The following EGFR variants were observed in gnomAD, a reference collection of about 807,000 sequenced individuals.
EGFR encodes the protein epidermal growth factor receptor, also known as avian erythroblastic leukemia viral (v-erb-b) oncogene homolog.
A neutral mutation model predicts 143.0 loss-of-function variants in EGFR; 58 were observed. The ratio of observed to expected loss-of-function variants is 0.41; its 90% confidence interval spans 0.33 to 0.50. EGFR has a LOEUF of 0.50. EGFR is among the 20% of genes least tolerant of loss of function. The probability of loss-of-function intolerance (pLI) is 0.39; values close to 1 mark genes in which losing one functional copy is unlikely to be tolerated. For missense variants in EGFR, 1,307 were observed against 1,579.0 expected (o/e 0.83, Z 2.92); for synonymous variants, 613 against 594.4 (o/e 1.03, Z -0.45).
intron 19 of EGFR, among the ~76,000 whole-genome samples, chr7:55,175,127 G>A (rs575781362): frequency 6.6e-6 from 1 of 152,288 alleles, no homozygotes; most frequent in South Asian, 2.1e-4. Flanking sequence ...CATGGGTATT[G>A]TTTTTGGTAT....
At chr7:55,081,766 C>A (rs1790479445) in intron 1 of EGFR, among the ~76,000 whole-genome samples, 1 of 151,294 alleles carries the variant, frequency 6.6e-6, no homozygotes, top group South Asian at 2.1e-4. Context: ...CCAAAACGTG[C>A]TGTCAGTGTG....
chr7:55,059,396 C>A (rs1031149376), intron 1 of EGFR, among the ~76,000 whole-genome samples: 7 of 152,178 alleles, frequency 4.6e-5, no homozygotes, highest in African/African-American at 1.7e-4. Context: ...ATGGTCCCTG[C>A]AGGTTTCCCC....
chr7:55,190,150 C>A (rs1039370925), intron 20 of EGFR, among the ~76,000 whole-genome samples: 1 of 152,080 alleles, frequency 6.6e-6, no homozygotes, highest in African/African-American at 2.4e-5. Context: ...CCCTTTCCAC[C>A]CACCATCCTG....
At chr7:55,076,782 A>G (rs1256601988) in intron 1 of EGFR, among the ~76,000 whole-genome samples, 1 of 152,154 alleles carries the variant, frequency 6.6e-6, no homozygotes, top group Non-Finnish European at 1.5e-5. Flanking sequence ...GTCAGAATAT[A>G]TATACTACAA....
Position 55,151,282 on chromosome 7 carries a change from T to C in EGFR, c.560-12T>C. On this transcript the variant is annotated splice_polypyrimidine_tract_variant and intron_variant, in intron 4 of 27. Coordinates refer to ENST00000275493, the MANE Select transcript of EGFR (RefSeq NM_005228.5). ...TTCACTGAGATATGCATCTATTACT[T>C]TTACATTTCAGGCCAAAAGTGTGAT... 6.2e-7 allele frequency: 1 copy of C among 1,614,114 alleles called. No individual in the cohort carries two copies.
At chr7:55,133,988 G>T (rs949000305) in intron 1 of EGFR, among the ~76,000 whole-genome samples, 1 of 152,222 alleles carries the variant, frequency 6.6e-6, no homozygotes, top group Non-Finnish European at 1.5e-5. Flanking sequence ...ATGCTGGCCC[G>T]AGAGGAGGCG....
At chr7:55,180,973 A>C in intron 19 of EGFR, 1 of 471,914 alleles carries the variant, frequency 2.1e-6, no homozygotes, top group Non-Finnish European at 3.9e-6. Flanking sequence ...AGATACTATC[A>C]GTTCCCAAAC....
At chr7:55,173,581 G>A (rs143553688) in intron 17 of EGFR, among the ~76,000 whole-genome samples, 300 of 152,344 alleles carry the variant, frequency 2.0e-3, no homozygotes, top group African/African-American at 6.7e-3. Context: ...GCATAAGCGC[G>A]TGTGATGTGC....
chr7:55,156,981 G>A (rs1785452945), intron 10 of EGFR, 149 bp downstream of exon 10: 2 of 1,511,482 alleles, frequency 1.3e-6, no homozygotes, highest in South Asian at 1.3e-5. Context: ...TTTCAAAAGT[G>A]CAGTTTCTCC....
rs1794594931 is a variant in EGFR at position 55,143,639 on chromosome 7, C to G, written c.424+151C>G. ...CTGAGTGCCGGCTGTGTGTAAGATA[C>G]TGCAGGGGAAGTTACTGAGAAGATG... is the stretch of plus-strand genomic sequence containing the variant. On this transcript the variant is annotated intron_variant, in intron 3 of 27. Coordinates refer to ENST00000275493, the MANE Select transcript of EGFR (RefSeq NM_005228.5). 5 of 859,130 alleles carry G rather than the reference C, an allele frequency of 5.8e-6. No homozygotes were observed. The South Asian group carries it at 6.3e-5, about 11-fold the overall frequency. The allele number at this position is 859,130 out of a possible 1,614,324, so 53.2% of individuals were successfully genotyped here. A position where few individuals can be genotyped will look rare whatever the true frequency, so the allele number is the denominator to read the frequency against.
At chr7:55,102,327 A>C (rs1450627704) in intron 1 of EGFR, among the ~76,000 whole-genome samples, 1 of 152,096 alleles carries the variant, frequency 6.6e-6, no homozygotes, top group Non-Finnish European at 1.5e-5. Flanking sequence ...AACCCCAGCC[A>C]CCTTCGACCT....
chr7:55,207,000 C>A lies in EGFR; in HGVS notation c.*1383C>A, dbSNP rs1788124073. 1 of 232,992 alleles carries A rather than the reference C, an allele frequency of 4.3e-6. No individual in the cohort carries two copies. The highest frequency in any genetic ancestry group is 1.8e-4 in the South Asian group (1 of 5,530). The allele number at this position is 232,992 out of a possible 1,614,324, so 14.4% of individuals were successfully genotyped here. A position where few individuals can be genotyped will look rare whatever the true frequency, so the allele number is the denominator to read the frequency against. On this transcript the variant is annotated 3_prime_UTR_variant, in exon 28 of 28. Transcript: ENST00000275493. ...AAAAAGTTCCTTCCTAAAATAATTT[C>A]TCTACAATTGGAAGATTGGAAGATT...
rs77504939 is a variant in EGFR at position 55,159,904 on chromosome 7, C to T, written c.1299-235C>T. The stretch of plus-strand genomic sequence containing the variant: ...ACATTAAGGCATTTTATTCATCCTC[C>T]CCATCTGCCACTGGGTTAAAGATAC... On this transcript the variant is annotated intron_variant, in intron 11 of 27. Coordinates refer to ENST00000275493, the MANE Select transcript of EGFR (RefSeq NM_005228.5). 5.4e-3 allele frequency among the ~76,000 whole-genome samples: 821 copies of T among 152,240 alleles called. 14 individuals carry two copies. The highest frequency in any genetic ancestry group is 0.018 in the African/African-American group (753 of 41,522).
At chr7:55,108,883 C>A (rs1334004898) in intron 1 of EGFR, among the ~76,000 whole-genome samples, 1 of 152,250 alleles carries the variant, frequency 6.6e-6, no homozygotes, top group Non-Finnish European at 1.5e-5. Context: ...ACTCCACAAA[C>A]ATGAACTAAG....
intron 1 of EGFR, among the ~76,000 whole-genome samples, chr7:55,106,681 T>C (rs1199591911): frequency 1.3e-5 from 2 of 152,238 alleles, no homozygotes; most frequent in Non-Finnish European, 2.9e-5. Flanking sequence ...AAAAGGCTAG[T>C]CCTGACTCTA....
intron 1 of EGFR, among the ~76,000 whole-genome samples, chr7:55,115,261 G>A (rs1193581605): frequency 6.6e-6 from 1 of 152,062 alleles, no homozygotes; most frequent in African/African-American, 2.4e-5. Flanking sequence ...AGTGAGCCAG[G>A]CACTCACATA....
intron 1 of EGFR, among the ~76,000 whole-genome samples, chr7:55,075,640 T>A (rs1790094119): frequency 1.3e-5 from 2 of 152,124 alleles, no homozygotes; most frequent in African/African-American, 4.8e-5. Flanking sequence ...CTGTAATGGA[T>A]ACACTCAGGC....
chr7:55,173,255 T>G, intron 17 of EGFR, 131 bp downstream of exon 17: 4 of 1,359,660 alleles, frequency 2.9e-6, no homozygotes, highest in Non-Finnish European at 3.0e-6. Context: ...AAAGAATCTC[T>G]GAATGTGCAG....
intron 1 of EGFR, among the ~76,000 whole-genome samples, chr7:55,135,288 A>G (rs1794072794): frequency 6.6e-6 from 1 of 151,698 alleles, no homozygotes; most frequent in African/African-American, 2.4e-5. Flanking sequence ...TGTTAACTTA[A>G]TTAGAGATAC....
Sources: gnomAD v4.1 joint callset for allele counts (sites outside exome capture counted in the v4.1 genomes callset) on GRCh38, gnomAD v4.1.1 for gene constraint, MANE v1.5 for transcripts, NCBI Gene and HGNC (gene_info 2026-07-23, HGNC 2026-07-21) for gene names.